ROBO1: variants seen among roughly 807,000 people sequenced by gnomAD.
ROBO1 encodes the protein roundabout guidance receptor 1, also known as roundabout homolog 1.
A neutral mutation model predicts 195.9 loss-of-function variants in ROBO1; 149 were observed. The ratio of observed to expected loss-of-function variants is 0.76; its 90% CI spans 0.67 to 0.87. The LOEUF (loss-of-function observed/expected upper bound fraction) is 0.87. Among genes scored for constraint, ROBO1 ranks in the 40% least tolerant of loss-of-function variants. The pLI is 0.00. For missense variants in ROBO1, 1,933 were observed against 2,068.3 expected (o/e 0.93, Z 1.27); for synonymous variants, 816 against 733.2 (o/e 1.11, Z -1.82).
chr3:79,100,017 GGAAA>G (rs1385904136), intron 3 of ROBO1, among the ~76,000 whole-genome samples: 1 of 151,646 alleles, frequency 6.6e-6, no homozygotes, highest in Non-Finnish European at 1.5e-5. Context: ...GGGTTAGCGG[GGAAA>G]GAAATACCAT....
At chr3:79,573,174 G>A (rs1474247934) in intron 2 of ROBO1, among the ~76,000 whole-genome samples, 1 of 151,994 alleles carries the variant, frequency 6.6e-6, no homozygotes, top group Non-Finnish European at 1.5e-5. Flanking sequence ...TCGTCTTCCC[G>A]AGTGGCTGGG....
At chr3:78,825,150 T>C (rs143592889) in intron 4 of ROBO1, among the ~76,000 whole-genome samples, 1 of 152,298 alleles carries the variant, frequency 6.6e-6, no homozygotes, top group Non-Finnish European at 1.5e-5. Flanking sequence ...GGGTAAACAT[T>C]ATAGTTTAAA....
intron 10 of ROBO1, among the ~76,000 whole-genome samples, chr3:78,677,083 T>C (rs138147849): frequency 0.011 from 1,627 of 152,160 alleles, 36 homozygotes; most frequent in African/African-American, 0.037. Context: ...CTAAGCTTCA[T>C]AAGTGAAGGA....
chr3:79,654,952 T>C (rs1321108792), intron 1 of ROBO1, among the ~76,000 whole-genome samples: 1 of 151,922 alleles, frequency 6.6e-6, no homozygotes, highest in Non-Finnish European at 1.5e-5. Context: ...TTTTTTCCCC[T>C]TTATGGTTCA....
At chr3:79,223,035 G>T (rs2082168711) in intron 2 of ROBO1, among the ~76,000 whole-genome samples, 1 of 152,124 alleles carries the variant, frequency 6.6e-6, no homozygotes, top group Non-Finnish European at 1.5e-5. Context: ...AACTTAGCAT[G>T]AGTTCTCCGG....
intron 3 of ROBO1, among the ~76,000 whole-genome samples, chr3:79,069,418 T>C (rs1158090535): frequency 6.6e-6 from 1 of 151,888 alleles, no homozygotes; most frequent in Non-Finnish European, 1.5e-5. Context: ...GTCCTCTAAT[T>C]CTCTCTGCCC....
chr3:79,279,024 C>T (rs917585367), intron 2 of ROBO1, among the ~76,000 whole-genome samples: 37 of 152,048 alleles, frequency 2.4e-4, no homozygotes, highest in African/African-American at 8.7e-4. Context: ...CCTGTAATCC[C>T]AGCACTTTGG....
intron 10 of ROBO1, among the ~76,000 whole-genome samples, chr3:78,680,168 T>C (rs1463867439): frequency 3.9e-5 from 6 of 152,158 alleles, no homozygotes; most frequent in African/African-American, 1.4e-4. Context: ...TTACACCTTA[T>C]ACAAAAATTA....
At position 79,236,244 on chromosome 3, in the gene ROBO1, C is replaced by T. The variant is rs142064636; in HGVS notation, c.89-110705G>A. Among the ~76,000 whole-genome samples the T allele has an allele frequency of 2.1e-3, 324 of 152,218 alleles. 1 individual carries two copies. The highest frequency in any genetic ancestry group is 3.8e-3 in the Non-Finnish European group (259 of 68,004). On this transcript the variant is annotated intron_variant, in intron 2 of 30. Coordinates refer to ENST00000464233, the MANE Select transcript of ROBO1 (RefSeq NM_002941.4). ...CTGACTTCTCTGTTTTACACTGCAG[C>T]GAAACCACCTGCATTACCTCTACTT...
chr3:79,425,619 A>G (rs1361878684), intron 2 of ROBO1, among the ~76,000 whole-genome samples: 1 of 152,158 alleles, frequency 6.6e-6, no homozygotes, highest in Admixed American at 6.6e-5. Context: ...GATGAAGTCT[A>G]CATAAAACAA....
chr3:79,749,621 C>T (rs1052281876), intron 1 of ROBO1, among the ~76,000 whole-genome samples: 12 of 152,260 alleles, frequency 7.9e-5, no homozygotes, highest in South Asian at 2.1e-4. Flanking sequence ...CTTGGTGCCC[C>T]GTGTTCCAGC....
chr3:78,687,376 G>A (rs1433528091), intron 9 of ROBO1, among the ~76,000 whole-genome samples: 1 of 152,036 alleles, frequency 6.6e-6, no homozygotes, highest in African/African-American at 2.4e-5. Flanking sequence ...TCAAATAAGG[G>A]CCTATATACC....
chr3:79,410,399 G>A (rs1311472896), intron 2 of ROBO1, among the ~76,000 whole-genome samples: 2 of 152,040 alleles, frequency 1.3e-5, no homozygotes, highest in African/African-American at 2.4e-5. Flanking sequence ...GGGGGACAAA[G>A]GTTTGGACTT....
chr3:79,502,995 C>G (rs1470341142), intron 2 of ROBO1, among the ~76,000 whole-genome samples: 1 of 152,084 alleles, frequency 6.6e-6, no homozygotes, highest in African/African-American at 2.4e-5. Flanking sequence ...GTGGGTGGCA[C>G]CAGATAAGAG....
intron 3 of ROBO1, among the ~76,000 whole-genome samples, chr3:79,042,520 G>A (rs1045263795): frequency 1.3e-5 from 2 of 151,984 alleles, no homozygotes; most frequent in Non-Finnish European, 2.9e-5. Context: ...GAATAATTTT[G>A]CTTTGTAATT....
chr3:79,765,499 A>C (rs1169877248), intron 1 of ROBO1, among the ~76,000 whole-genome samples: 1 of 152,166 alleles, frequency 6.6e-6, no homozygotes, highest in Non-Finnish European at 1.5e-5. Flanking sequence ...TTGCCTTTGA[A>C]AGTTACCAGT....
chr3:79,321,979 A>T (rs2109132363), intron 2 of ROBO1, among the ~76,000 whole-genome samples: 1 of 152,310 alleles, frequency 6.6e-6, no homozygotes, highest in East Asian at 1.9e-4. Context: ...ATTCAGCATA[A>T]TTGGCTCTGG....
At chr3:78,645,421 T>C (rs1706215928) in intron 21 of ROBO1, among the ~76,000 whole-genome samples, 1 of 149,080 alleles carries the variant, frequency 6.7e-6, no homozygotes, top group Non-Finnish European at 1.5e-5. Context: ...TTTTTTTTTT[T>C]ACACTGTAAG....
At chr3:78,764,422 A>G (rs2083179075) in intron 4 of ROBO1, among the ~76,000 whole-genome samples, 2 of 152,170 alleles carry the variant, frequency 1.3e-5, no homozygotes, top group Non-Finnish European at 2.9e-5. Context: ...GAAAACAAAC[A>G]GCATTTTATT....
Sources: gnomAD v4.1 joint callset for allele counts (sites outside exome capture counted in the v4.1 genomes callset) on GRCh38, gnomAD v4.1.1 for gene constraint, MANE v1.5 for transcripts, NCBI Gene and HGNC (gene_info 2026-07-23, HGNC 2026-07-21) for gene names.